Variants in DLGAP1 observed in about 807,000 individuals in gnomAD.
DLGAP1 encodes the protein disks large-associated protein 1.
A neutral mutation model predicts 90.8 loss-of-function variants in DLGAP1; 11 were observed. That is an observed-to-expected ratio of 0.12 (90% CI 0.08 to 0.20). The LOEUF is 0.20. Ranked by LOEUF, DLGAP1 falls within the 10% of genes least tolerant of loss-of-function variation. The probability of loss-of-function intolerance (pLI) is 1.00; values close to 1 mark genes in which losing one functional copy is unlikely to be tolerated. For missense variants in DLGAP1, 1,050 were observed against 1,333.8 expected, an observed-to-expected ratio of 0.79 and a Z score of 3.31; for synonymous variants, 558 against 540.7, an observed-to-expected ratio of 1.03 and a Z score of -0.44.
At position 3,501,949 on chromosome 18, in the gene DLGAP1, GAAA is replaced by G. The variant is rs36071304; in HGVS notation, c.2724+541_2724+543del. On this transcript the variant is annotated intron_variant, in intron 12 of 12. Transcript: ENST00000315677. ...AATCAACCAAAAGCAAAACTGTTTT[GAAA>G]AAAAAAAAAAAAAAAAACCCAACAT... Among the ~76,000 whole-genome samples, 249 of 109,384 alleles carry G rather than the reference GAAA, an allele frequency of 2.3e-3. 1 individual carries two copies. The highest frequency in any genetic ancestry group is 0.011 in the East Asian group (42 of 3,772). 71.8% of individuals were successfully genotyped at this position (109,384 alleles called of 152,430 possible).
intron 6 of DLGAP1, among the ~76,000 whole-genome samples, chr18:3,741,726 G>A (rs1186720181): frequency 6.6e-6 from 1 of 152,150 alleles, no homozygotes; most frequent in Admixed American, 6.5e-5. Context: ...TAGCCTCTCT[G>A]CTTCTAGCTT....
chr18:3,715,189 G>C (rs1304541836), intron 7 of DLGAP1, among the ~76,000 whole-genome samples: 1 of 152,232 alleles, frequency 6.6e-6, no homozygotes, highest in East Asian at 1.9e-4. Context: ...GAGAGAACTG[G>C]TGAGCATGGC....
At chr18:3,573,321 G>A (rs548748795) in intron 8 of DLGAP1, among the ~76,000 whole-genome samples, 1 of 152,214 alleles carries the variant, frequency 6.6e-6, no homozygotes, top group African/African-American at 2.4e-5. Flanking sequence ...GGCCAACATG[G>A]TGAAACCCCG....
chr18:4,394,060 A>AC (rs2082392195), intron 1 of DLGAP1, among the ~76,000 whole-genome samples: 1 of 152,210 alleles, frequency 6.6e-6, no homozygotes, highest in Non-Finnish European at 1.5e-5. Flanking sequence ...TAGAACAACT[A>AC]ATACGTAGAA....
chr18:3,869,153 C>CATTT (rs1568262831), intron 4 of DLGAP1, among the ~76,000 whole-genome samples: 2 of 140,672 alleles, frequency 1.4e-5, no homozygotes, highest in African/African-American at 5.5e-5. Context: ...GTGTGTATTG[C>CATTT]GTTTTTTTTT....
intron 7 of DLGAP1, among the ~76,000 whole-genome samples, chr18:3,726,773 C>A (rs1410854125): frequency 6.6e-6 from 1 of 152,200 alleles, no homozygotes; most frequent in Non-Finnish European, 1.5e-5. Context: ...ACCCCAGGGG[C>A]AAGTCACACC....
At position 3,971,057 on chromosome 18, in the gene DLGAP1, C is replaced by T. The variant is rs180788729; in HGVS notation, c.-73+34059G>A. ...TTCACATCTGTCCCCCTCTAGCACC[C>T]CACATCTATTCCAGGTTATTGCAAC... On this transcript the variant is annotated intron_variant, in intron 3 of 12. Transcript: ENST00000315677. 2.1e-3 allele frequency among the ~76,000 whole-genome samples: 315 copies of T among 152,272 alleles called. 1 individual carries two copies. The highest frequency in any genetic ancestry group is 3.6e-3 in the Non-Finnish European group (243 of 68,026).
At position 3,534,175 on chromosome 18, in the gene DLGAP1, A is replaced by G. The variant is rs1214649537; in HGVS notation, c.2479+19T>C. On this transcript the variant is annotated intron_variant, in intron 10 of 12. Coordinates refer to ENST00000315677, the MANE Select transcript of DLGAP1 (RefSeq NM_004746.4). ...CCCAGCCCCAGGGGACGGGTGTGGC[A>G]CGTGGTGGCATTACTTACTGTCTTC... The G allele has an allele frequency of 6.2e-7, 1 of 1,603,010 alleles. No individual in the cohort carries two copies. Among genetic ancestry groups the G allele is most frequent in the Non-Finnish European group, 8.5e-7 (1 of 1,173,890 alleles).
intron 3 of DLGAP1, among the ~76,000 whole-genome samples, chr18:4,003,259 A>G (rs9962327): frequency 0.057 from 8,615 of 152,236 alleles, 672 homozygotes; most frequent in African/African-American, 0.17. Context: ...TGGTAGAGAC[A>G]GGGAAGGTGC....
At chr18:3,691,612 T>G (rs1380323228) in intron 7 of DLGAP1, among the ~76,000 whole-genome samples, 1 of 151,896 alleles carries the variant, frequency 6.6e-6, no homozygotes, top group Non-Finnish European at 1.5e-5. Flanking sequence ...ACCAAACATT[T>G]TAAAAAAGAA....
chr18:4,279,092 T>C (rs989075494), intron 1 of DLGAP1, among the ~76,000 whole-genome samples: 2 of 152,210 alleles, frequency 1.3e-5, no homozygotes, highest in African/African-American at 2.4e-5. Context: ...ACATGGGCAA[T>C]AGTTACATGC....
chr18:4,146,629 A>C (rs747573395), intron 2 of DLGAP1, among the ~76,000 whole-genome samples: 31 of 152,180 alleles, frequency 2.0e-4, no homozygotes, highest in Non-Finnish European at 2.4e-4. Flanking sequence ...TAGGACATTT[A>C]TGTTTTAATT....
At chr18:3,773,115 TA>T (rs2064773534) in intron 5 of DLGAP1, among the ~76,000 whole-genome samples, 1 of 152,144 alleles carries the variant, frequency 6.6e-6, no homozygotes, top group Non-Finnish European at 1.5e-5. Flanking sequence ...AATTTTTTTT[TA>T]TTTTTTTAAT....
chr18:3,502,886 A>G (rs183208084), intron 11 of DLGAP1, among the ~76,000 whole-genome samples: 7 of 152,296 alleles, frequency 4.6e-5, no homozygotes, highest in Non-Finnish European at 8.8e-5. Context: ...TATCAATTCA[A>G]TATGGTATGG....
At chr18:4,023,048 T>A (rs1478956978) in intron 2 of DLGAP1, among the ~76,000 whole-genome samples, 2 of 151,466 alleles carry the variant, frequency 1.3e-5, no homozygotes, top group Admixed American at 1.3e-4. Flanking sequence ...TATCAGGGAT[T>A]CCATTTCTAT....
At chr18:4,422,133 A>C (rs2083050669) in intron 1 of DLGAP1, among the ~76,000 whole-genome samples, 1 of 152,038 alleles carries the variant, frequency 6.6e-6, no homozygotes, top group South Asian at 2.1e-4. Context: ...AGAAAGGTTG[A>C]ATCTAGTATA....
At chr18:3,760,715 C>A (rs932567360) in intron 5 of DLGAP1, among the ~76,000 whole-genome samples, 4 of 152,166 alleles carry the variant, frequency 2.6e-5, no homozygotes, top group Non-Finnish European at 5.9e-5. Context: ...AAAAACAATC[C>A]TTTGCATTGC....
chr18:4,231,016 T>G (rs2078288581), intron 1 of DLGAP1, among the ~76,000 whole-genome samples: 1 of 152,072 alleles, frequency 6.6e-6, no homozygotes, highest in East Asian at 1.9e-4. Context: ...TGAATAGGAA[T>G]CCACTTTGGT....
chr18:4,387,241 G>A (rs139270895), intron 1 of DLGAP1, among the ~76,000 whole-genome samples: 1 of 152,230 alleles, frequency 6.6e-6, no homozygotes, highest in African/African-American at 2.4e-5. Context: ...AAACACACCT[G>A]CACAGCATTT....
Sources: gnomAD v4.1 joint callset for allele counts (sites outside exome capture counted in the v4.1 genomes callset) on GRCh38, gnomAD v4.1.1 for gene constraint, MANE v1.5 for transcripts, NCBI Gene and HGNC (gene_info 2026-07-23, HGNC 2026-07-21) for gene names.